PRKCA: variants seen among roughly 807,000 people sequenced by gnomAD.
PRKCA encodes the protein protein kinase C alpha.
In PRKCA, 27 loss-of-function variants were observed where a neutral mutation model predicts 87.0. That is an observed-to-expected ratio of 0.31 (90% confidence interval 0.23 to 0.43). The LOEUF (loss-of-function observed/expected upper bound fraction) is 0.43. Among genes scored for constraint, PRKCA ranks in the 20% least tolerant of loss-of-function variants. The pLI is 1.00. For synonymous variants in PRKCA, 329 were observed against 311.1 expected (o/e 1.06, Z -0.61); for missense variants, 518 against 852.3 (o/e 0.61, Z 4.88).
chr17:66,436,878 A>G (rs1261355870), intron 2 of PRKCA, among the ~76,000 whole-genome samples: 1 of 152,186 alleles, frequency 6.6e-6, no homozygotes, highest in Non-Finnish European at 1.5e-5. Flanking sequence ...AGTCAGATAC[A>G]ATGAGAATTA....
Position 66,472,682 on chromosome 17 carries a change from A to G in PRKCA, c.206-23519A>G, listed in dbSNP as rs536435134. On this transcript the variant is annotated intron_variant, in intron 2 of 16. Transcript: ENST00000413366. ...ATCCCTTTCCTGCCTTTAGCCCACA[A>G]ATGCCCACCTCTGCTGAGCCACCTT... is the stretch of plus-strand genomic sequence containing the variant. Among the ~76,000 whole-genome samples the G allele has an allele frequency of 2.6e-5, 4 of 152,256 alleles. No individual in the cohort carries two copies. The South Asian group carries it at 6.2e-4, about 24-fold the overall frequency.
At chr17:66,565,608 T>C (rs936356454) in intron 3 of PRKCA, among the ~76,000 whole-genome samples, 17 of 152,214 alleles carry the variant, frequency 1.1e-4, no homozygotes, top group Admixed American at 6.5e-5. Context: ...CTTTCTGGCA[T>C]AGGAGGCCCC....
At chr17:66,347,162 G>A (rs1033909050) in intron 2 of PRKCA, among the ~76,000 whole-genome samples, 1 of 152,024 alleles carries the variant, frequency 6.6e-6, no homozygotes, top group Non-Finnish European at 1.5e-5. Context: ...AATAGTAATA[G>A]TAATCCCTTT....
At chr17:66,675,480 A>C (rs951481188) in intron 5 of PRKCA, among the ~76,000 whole-genome samples, 1 of 152,178 alleles carries the variant, frequency 6.6e-6, no homozygotes, top group African/African-American at 2.4e-5. Context: ...GTCCCTTTGC[A>C]CACAGGTTCT....
At chr17:66,362,711 G>C (rs1375003701) in intron 2 of PRKCA, among the ~76,000 whole-genome samples, 1 of 141,082 alleles carries the variant, frequency 7.1e-6, no homozygotes, top group Non-Finnish European at 1.5e-5. Flanking sequence ...TTAATTTTTT[G>C]AGACAGAGTC....
At chr17:66,353,840 A>G (rs915476049) in intron 2 of PRKCA, among the ~76,000 whole-genome samples, 1 of 152,166 alleles carries the variant, frequency 6.6e-6, no homozygotes, top group African/African-American at 2.4e-5. Context: ...GGTGGGCTGC[A>G]AACAGGTATC....
At chr17:66,322,641 T>TG (rs1284098124) in intron 2 of PRKCA, among the ~76,000 whole-genome samples, 2 of 147,406 alleles carry the variant, frequency 1.4e-5, no homozygotes, top group Non-Finnish European at 3.0e-5. Flanking sequence ...TTTTAATTGT[T>TG]TTTTTTTTTT....
At chr17:66,320,593 A>G (rs1905600115) in intron 2 of PRKCA, among the ~76,000 whole-genome samples, 1 of 152,214 alleles carries the variant, frequency 6.6e-6, no homozygotes, top group Non-Finnish European at 1.5e-5. Context: ...ATTAAAGAAT[A>G]TTAAAAATGC....
intron 5 of PRKCA, among the ~76,000 whole-genome samples, chr17:66,645,983 T>C (rs984600829): frequency 6.6e-6 from 1 of 152,222 alleles, no homozygotes; most frequent in Middle Eastern, 3.2e-3. Context: ...TCCTCTGTGT[T>C]AGGTATGGTG....
chr17:66,330,700 AT>A (rs1034310389), intron 2 of PRKCA, among the ~76,000 whole-genome samples: 5 of 152,166 alleles, frequency 3.3e-5, no homozygotes, highest in African/African-American at 1.2e-4. Flanking sequence ...GGAAAAAGGT[AT>A]TTGGAAGATT....
chr17:66,638,456 A>T (rs754631481), intron 3 of PRKCA: 1 of 152,176 alleles, frequency 6.6e-6, no homozygotes, highest in Admixed American at 6.5e-5. Flanking sequence ...ATAATTAGGC[A>T]GTAAAAACTA....
At chr17:66,558,678 T>A (rs1968579103) in intron 3 of PRKCA, among the ~76,000 whole-genome samples, 1 of 148,458 alleles carries the variant, frequency 6.7e-6, no homozygotes, top group South Asian at 2.1e-4. Flanking sequence ...CTAGGAGGAG[T>A]GGAGAGTAAG....
intron 2 of PRKCA, among the ~76,000 whole-genome samples, chr17:66,335,649 A>G (rs991428250): frequency 6.6e-6 from 1 of 152,102 alleles, no homozygotes; most frequent in Admixed American, 6.6e-5. Context: ...ATGTTATTGC[A>G]ATTTCAGAGT....
At chr17:66,681,875 T>C (rs1972504292) in intron 5 of PRKCA, among the ~76,000 whole-genome samples, 1 of 152,192 alleles carries the variant, frequency 6.6e-6, no homozygotes. Context: ...ACCTTGCTTC[T>C]CTCAGGGAAA....
intron 2 of PRKCA, among the ~76,000 whole-genome samples, chr17:66,439,177 T>C (rs1301041207): frequency 2.0e-5 from 3 of 146,766 alleles, no homozygotes; most frequent in African/African-American, 5.0e-5. Context: ...TACCCACTTT[T>C]CTTTTCTTTC....
chr17:66,777,439 A>G (rs1044444247), intron 14 of PRKCA: 13 of 358,928 alleles, frequency 3.6e-5, no homozygotes, highest in Non-Finnish European at 4.2e-5. Flanking sequence ...CCCCACCCCA[A>G]ATCAAAGCAT....
chr17:66,462,793 G>A (rs1914909805), intron 2 of PRKCA, among the ~76,000 whole-genome samples: 2 of 152,130 alleles, frequency 1.3e-5, no homozygotes, highest in Non-Finnish European at 2.9e-5. Flanking sequence ...GGAATGAAAT[G>A]TCCTCCTGCA....
At chr17:66,418,012 G>A (rs1461679983) in intron 2 of PRKCA, among the ~76,000 whole-genome samples, 1 of 152,158 alleles carries the variant, frequency 6.6e-6, no homozygotes, top group Admixed American at 6.5e-5. Flanking sequence ...ATGTTTGAGC[G>A]TGGACCTCTT....
intron 13 of PRKCA, among the ~76,000 whole-genome samples, chr17:66,751,538 C>T (rs934776875): frequency 7.2e-5 from 11 of 152,226 alleles, no homozygotes; most frequent in Admixed American, 5.2e-4. Context: ...AAAGCTCTTA[C>T]GACACAAGTT....
Sources: gnomAD v4.1 joint callset for allele counts (sites outside exome capture counted in the v4.1 genomes callset) on GRCh38, gnomAD v4.1.1 for gene constraint, MANE v1.5 for transcripts, NCBI Gene and HGNC (gene_info 2026-07-23, HGNC 2026-07-21) for gene names.